FRMPD4: variants seen among roughly 807,000 people sequenced by gnomAD.
FRMPD4 encodes the protein FERM and PDZ domain-containing protein 4.
Under a neutral mutation model 94.1 loss-of-function variants are expected in FRMPD4, and 22 were observed. The ratio of observed to expected loss-of-function variants is 0.23; its 90% confidence interval spans 0.17 to 0.33. The LOEUF (loss-of-function observed/expected upper bound fraction) is 0.33, where lower values mean the gene tolerates loss of function less well. Among genes scored for constraint, FRMPD4 ranks in the 10% least tolerant of loss-of-function variants. The probability of loss-of-function intolerance (pLI) is 1.00; values close to 1 mark genes in which losing one functional copy is unlikely to be tolerated. For missense variants in FRMPD4, 1,111 were observed against 1,339.9 expected (o/e 0.83, Z 2.67); for synonymous variants, 631 against 548.6 (o/e 1.15, Z -2.10).
intron 1 of FRMPD4, among the ~76,000 whole-genome samples, chrX:12,291,775 T>G (rs2054694382): frequency 9.0e-6 from 1 of 111,598 alleles, no homozygotes; most frequent in Admixed American, 9.5e-5. Context: ...TCTCCTTTCC[T>G]TTTGATGGCA....
chrX:12,048,533 A>G (rs1169156492), intron 3 of FRMPD4, among the ~76,000 whole-genome samples: 2 of 111,843 alleles, frequency 1.8e-5, no homozygotes, highest in African/African-American at 6.5e-5. Flanking sequence ...ATTGCTTTTG[A>G]GGACTTAGTC....
intron 3 of FRMPD4, among the ~76,000 whole-genome samples, chrX:12,090,850 C>T (rs1226579204): frequency 1.8e-5 from 2 of 112,277 alleles, no homozygotes; most frequent in African/African-American, 6.5e-5. Flanking sequence ...CATCTTCTTT[C>T]TTTGAAACTA....
chrX:12,455,761 G>A (rs915765322), intron 1 of FRMPD4, among the ~76,000 whole-genome samples: 2 of 112,047 alleles, frequency 1.8e-5, no homozygotes, highest in African/African-American at 6.5e-5. Flanking sequence ...GGGAGGAAAG[G>A]ACTGGAGTGC....
intron 3 of FRMPD4, among the ~76,000 whole-genome samples, chrX:12,130,314 T>C (rs1076177): frequency 0.19 from 20,573 of 111,132 alleles, 1,686 homozygotes; most frequent in South Asian, 0.39. Context: ...TATTACCTCA[T>C]GGTTGCAAGA....
At chrX:12,302,647 T>C (rs936059609) in intron 1 of FRMPD4, among the ~76,000 whole-genome samples, 1 of 111,786 alleles carries the variant, frequency 8.9e-6, no homozygotes, top group Non-Finnish European at 1.9e-5. Context: ...CTATTCCTTA[T>C]ACTTGGGTCA....
chrX:12,594,949 G>A (rs1340978677), intron 2 of FRMPD4, among the ~76,000 whole-genome samples: 1 of 111,874 alleles, frequency 8.9e-6, no homozygotes, highest in African/African-American at 3.3e-5. Flanking sequence ...TTCCTCAACT[G>A]TAAATGACTG....
chrX:12,145,570 T>A (rs941674512), intron 1 of FRMPD4, among the ~76,000 whole-genome samples: 2 of 113,048 alleles, frequency 1.8e-5, no homozygotes, highest in African/African-American at 6.4e-5. Flanking sequence ...ACCCATCTGA[T>A]GTGTTTACTT....
At chrX:12,651,752 A>G (rs773031812) in intron 4 of FRMPD4, among the ~76,000 whole-genome samples, 4 of 112,229 alleles carry the variant, frequency 3.6e-5, no homozygotes, top group African/African-American at 1.3e-4. Flanking sequence ...GAGCGTTGAA[A>G]GAGAACAGAA....
At chrX:12,131,333 C>A (rs2055551252) in intron 3 of FRMPD4, among the ~76,000 whole-genome samples, 1 of 112,008 alleles carries the variant, frequency 8.9e-6, no homozygotes, top group African/African-American at 3.3e-5. Context: ...ACAGAATTAC[C>A]AATGTAGATG....
chrX:12,176,584 T>C (rs193233463), intron 1 of FRMPD4, among the ~76,000 whole-genome samples: 1 of 112,507 alleles, frequency 8.9e-6, no homozygotes, highest in Non-Finnish European at 1.9e-5. Flanking sequence ...TAAAATATGT[T>C]TGCAATAATT....
chrX:11,911,590 G>A (rs1022335026), intron 3 of FRMPD4, among the ~76,000 whole-genome samples: 18 of 111,683 alleles, frequency 1.6e-4, no homozygotes, highest in African/African-American at 4.6e-4. Flanking sequence ...GATAGGTCCT[G>A]GCAGCAGGGA....
In FRMPD4 at chrX:12,698,669, TCTGAA is replaced by T. The variant is rs754520820; in HGVS notation, c.934-3202_934-3198del. ...TCCAAATTTCATTCTCCAGGATCAG[TCTGAA>T]CTAATTATATCATGTAATTAATCAC... On this transcript the variant is annotated intron_variant, in intron 9 of 16. Transcript: ENST00000675598. Among the ~76,000 whole-genome samples the T allele has an allele frequency of 2.7e-4, 30 of 110,695 alleles. No homozygotes were observed. In the South Asian group the frequency reaches 0.011, roughly 42 times the overall value.
intron 1 of FRMPD4, among the ~76,000 whole-genome samples, chrX:12,225,901 C>T: frequency 8.9e-6 from 1 of 111,822 alleles, no homozygotes; most frequent in East Asian, 2.8e-4. Flanking sequence ...AGCCCAGGTG[C>T]TGTACACTGC....
intron 13 of FRMPD4, among the ~76,000 whole-genome samples, chrX:12,708,246 C>G (rs752324467): frequency 9.1e-6 from 1 of 110,349 alleles, no homozygotes; most frequent in African/African-American, 3.3e-5. Flanking sequence ...CCGAGGCGGG[C>G]GGATCACGAG....
intron 3 of FRMPD4, among the ~76,000 whole-genome samples, chrX:11,879,088 GTTA>G (rs2053800270): frequency 9.0e-6 from 1 of 111,589 alleles, no homozygotes; most frequent in Non-Finnish European, 1.9e-5. Flanking sequence ...ACCTTTTTTT[GTTA>G]TGCAGTTCAC....
At chrX:11,926,425 T>C (rs908839139) in intron 3 of FRMPD4, among the ~76,000 whole-genome samples, 4 of 110,967 alleles carry the variant, frequency 3.6e-5, no homozygotes, top group African/African-American at 6.6e-5. Flanking sequence ...ATCATCCTGA[T>C]ACCAAAACCT....
At chrX:11,992,669 G>A (rs2054471502) in intron 3 of FRMPD4, among the ~76,000 whole-genome samples, 1 of 111,909 alleles carries the variant, frequency 8.9e-6, no homozygotes, top group Admixed American at 9.5e-5. Flanking sequence ...GAAATGCAAA[G>A]AGGAAAATAA....
chrX:12,165,146 T>G (rs1266986273), intron 1 of FRMPD4, among the ~76,000 whole-genome samples: 1 of 111,630 alleles, frequency 9.0e-6, no homozygotes, highest in African/African-American at 3.2e-5. Flanking sequence ...CTGAATGGTA[T>G]TGCCTAGGTT....
chrX:12,305,725 G>GTTTTTTTTTTTTTTTTTTTTTTTTT (rs58794898), intron 1 of FRMPD4, among the ~76,000 whole-genome samples: 3 of 59,721 alleles, frequency 5.0e-5, no homozygotes, highest in Admixed American at 2.8e-4. Flanking sequence ...AGCTGGCTAA[G>GTTTTTTTTTTTTTTTTTTTTTTTTT]TTTTTTTTTT....
Sources: gnomAD v4.1 joint callset for allele counts (sites outside exome capture counted in the v4.1 genomes callset) on GRCh38, gnomAD v4.1.1 for gene constraint, MANE v1.5 for transcripts, NCBI Gene and HGNC (gene_info 2026-07-23, HGNC 2026-07-21) for gene names.